Variants in TRAF3IP2 observed in about 807,000 individuals in gnomAD.
The protein encoded by TRAF3IP2 is E3 ubiquitin ligase TRAF3IP2.
Under a neutral mutation model 57.9 loss-of-function variants are expected in TRAF3IP2, and 35 were observed. The observed-to-expected ratio is 0.60, with a 90% CI of 0.46 to 0.80. The LOEUF is 0.80. Ranked by LOEUF, TRAF3IP2 falls within the 30% of genes least tolerant of loss-of-function variation. TRAF3IP2 has a pLI of 0.00. For missense variants in TRAF3IP2, 556 were observed against 706.4 expected, an observed-to-expected ratio of 0.79 and a Z score of 2.41; for synonymous variants, 251 against 268.9, an observed-to-expected ratio of 0.93 and a Z score of 0.65.
At chr6:111,567,115 C>G in intron 6 of TRAF3IP2, 1 of 939,868 alleles carries the variant, frequency 1.1e-6, no homozygotes, top group Non-Finnish European at 1.3e-6. Context: ...CACGGACACG[C>G]TGGCAGCAAT....
intron 1 of TRAF3IP2, among the ~76,000 whole-genome samples, chr6:111,604,701 A>G (rs1212727673): frequency 6.6e-6 from 1 of 152,186 alleles, no homozygotes; most frequent in African/African-American, 2.4e-5. Context: ...GTTGACATGG[A>G]AGGGGGGTGA....
intron 1 of TRAF3IP2, chr6:111,600,565 G>A (rs1399896731): frequency 6.6e-6 from 1 of 152,180 alleles, no homozygotes; most frequent in Non-Finnish European, 1.5e-5. Flanking sequence ...CTGCAAAGGG[G>A]ACAGATAGTA....
chr6:111,580,101 T>C, intron 3 of TRAF3IP2, 96 bp downstream of exon 3: 1 of 1,449,320 alleles, frequency 6.9e-7, no homozygotes, highest in East Asian at 2.5e-5. Flanking sequence ...TAACGTGGGT[T>C]AGCAAACCTA....
intron 2 of TRAF3IP2, among the ~76,000 whole-genome samples, chr6:111,589,071 C>CTTTT (rs372254400): frequency 2.7e-4 from 33 of 123,114 alleles, no homozygotes; most frequent in African/African-American, 4.6e-4. Flanking sequence ...GAAAAATTAT[C>CTTTT]TTTTTTTTTT....
intron 5 of TRAF3IP2, among the ~76,000 whole-genome samples, chr6:111,571,782 A>T (rs1280804711): frequency 6.6e-6 from 1 of 151,910 alleles, no homozygotes; most frequent in Non-Finnish European, 1.5e-5. Context: ...CACACAAAAA[A>T]ATTAGCTGGG....
At chr6:111,580,462 C>T in intron 2 of TRAF3IP2, 73 bp from the exon 3 acceptor site, 1 of 1,393,728 alleles carries the variant, frequency 7.2e-7, no homozygotes, top group Non-Finnish European at 9.6e-7. Flanking sequence ...GTCATAAGCT[C>T]CATGCTCATT....
chr6:111,584,827 G>A (rs1409624084), intron 2 of TRAF3IP2, among the ~76,000 whole-genome samples: 1 of 152,114 alleles, frequency 6.6e-6, no homozygotes, highest in Non-Finnish European at 1.5e-5. Context: ...CTTGCTACAT[G>A]TCAAGTACTG....
At chr6:111,601,483 C>A in intron 1 of TRAF3IP2, 2 of 348,684 alleles carry the variant, frequency 5.7e-6, no homozygotes, top group East Asian at 4.3e-5. Flanking sequence ...AAGGCAAGGA[C>A]GGATGGGATT....
At chr6:111,572,398 T>C (rs962622124) in intron 5 of TRAF3IP2, among the ~76,000 whole-genome samples, 1 of 152,140 alleles carries the variant, frequency 6.6e-6, no homozygotes. Flanking sequence ...CGTCAAGGTA[T>C]GAAAATGGCA....
At chr6:111,595,956 G>A (rs1056385774) in intron 1 of TRAF3IP2, among the ~76,000 whole-genome samples, 24 of 152,188 alleles carry the variant, frequency 1.6e-4, no homozygotes, top group African/African-American at 5.5e-4. Flanking sequence ...GTAACATGCA[G>A]AAAACCCACG....
intron 2 of TRAF3IP2, among the ~76,000 whole-genome samples, chr6:111,586,490 G>GA (rs1796342003): frequency 6.6e-6 from 1 of 151,994 alleles, no homozygotes; most frequent in South Asian, 2.1e-4. Context: ...GGGGTGAGGA[G>GA]AAAACGTAGA....
chr6:111,586,272 T>G (rs940995081), intron 2 of TRAF3IP2, among the ~76,000 whole-genome samples: 4 of 151,986 alleles, frequency 2.6e-5, no homozygotes, highest in Admixed American at 6.6e-5. Flanking sequence ...ATTGTACACA[T>G]GTACCTGTAA....
chr6:111,568,149 AT>A (rs1463111300), intron 5 of TRAF3IP2, among the ~76,000 whole-genome samples: 1 of 152,226 alleles, frequency 6.6e-6, no homozygotes, highest in Non-Finnish European at 1.5e-5. Context: ...TAGTGAGGTC[AT>A]TATTATGGTA....
chr6:111,583,416 A>G (rs1191992735), intron 2 of TRAF3IP2, among the ~76,000 whole-genome samples: 1 of 152,192 alleles, frequency 6.6e-6, no homozygotes, highest in Non-Finnish European at 1.5e-5. Context: ...GAGTAAGTGA[A>G]GCTCTGTCTG....
intron 8 of TRAF3IP2, among the ~76,000 whole-genome samples, chr6:111,560,657 A>G (rs1259374504): frequency 6.6e-6 from 1 of 152,240 alleles, no homozygotes; most frequent in Non-Finnish European, 1.5e-5. Context: ...CCAAGGGGAC[A>G]GGTGGTGAGA....
At chr6:111,577,744 C>T (rs1425329225) in intron 3 of TRAF3IP2, among the ~76,000 whole-genome samples, 2 of 151,602 alleles carry the variant, frequency 1.3e-5, no homozygotes, top group Non-Finnish European at 1.5e-5. Flanking sequence ...CAGAGTCTCA[C>T]TCTGTCACCC....
chr6:111,593,621 C>A (rs1321286911), intron 1 of TRAF3IP2, among the ~76,000 whole-genome samples: 1 of 152,148 alleles, frequency 6.6e-6, no homozygotes, highest in Non-Finnish European at 1.5e-5. Context: ...TGTTTTCTGA[C>A]GCAACAGAAA....
chr6:111,598,579 A>C (rs1443162256), intron 1 of TRAF3IP2, among the ~76,000 whole-genome samples: 1 of 152,234 alleles, frequency 6.6e-6, no homozygotes, highest in East Asian at 1.9e-4. Context: ...AGAGTAGCAC[A>C]GTGTGTAGGG....
At chr6:111,565,892 T>C (rs1484829837) in intron 7 of TRAF3IP2, among the ~76,000 whole-genome samples, 1 of 152,168 alleles carries the variant, frequency 6.6e-6, no homozygotes, top group Non-Finnish European at 1.5e-5. Flanking sequence ...TTCACGACAA[T>C]CCTGTAAGTA....
Sources: allele counts gnomAD v4.1 joint callset (sites outside exome capture counted in the v4.1 genomes callset), GRCh38; gene constraint gnomAD v4.1.1; transcripts MANE v1.5; gene names NCBI Gene and HGNC (gene_info 2026-07-23, HGNC 2026-07-21).